FBLN1: variants seen among roughly 807,000 people sequenced by gnomAD.
The protein encoded by FBLN1 is fibulin 1.
In FBLN1, 34 loss-of-function variants were observed where a neutral mutation model predicts 89.7. The ratio of observed to expected loss-of-function variants is 0.38; its 90% CI spans 0.29 to 0.50. The LOEUF (loss-of-function observed/expected upper bound fraction) is 0.50, where lower values mean the gene tolerates loss of function less well. Ranked by LOEUF, FBLN1 falls within the 20% of genes least tolerant of loss-of-function variation. The probability of loss-of-function intolerance (pLI) is 0.92; values close to 1 mark genes in which losing one functional copy is unlikely to be tolerated. For synonymous variants in FBLN1, 393 were observed against 391.3 expected, an observed-to-expected ratio of 1.00 and a Z score of -0.05; for missense variants, 777 against 988.1, an observed-to-expected ratio of 0.79 and a Z score of 2.86.
At chr22:45,534,064 T>C (rs1002032820) in intron 7 of FBLN1, among the ~76,000 whole-genome samples, 166 bp downstream of exon 7, 2 of 151,986 alleles carry the variant, frequency 1.3e-5, no homozygotes, top group African/African-American at 4.8e-5. Context: ...CCCACCAGGG[T>C]GTCTGGACAG....
At chr22:45,585,629 G>A (rs1051348629) in intron 16 of FBLN1, among the ~76,000 whole-genome samples, 1 of 152,230 alleles carries the variant, frequency 6.6e-6, no homozygotes, top group Admixed American at 6.5e-5. Flanking sequence ...CTGGCTGGCA[G>A]CCAAGTTCTT....
chr22:45,594,740 G>A (rs2089169554), intron 16 of FBLN1, among the ~76,000 whole-genome samples: 1 of 148,856 alleles, frequency 6.7e-6, no homozygotes, highest in African/African-American at 2.6e-5. Context: ...ATAGATGGAT[G>A]GGTGAGTGGA....
Position 45,579,704 on chromosome 22 carries a change from G to A in FBLN1, c.1972+2596G>A, listed in dbSNP as rs144832212. On this transcript the variant is annotated intron_variant, in intron 16 of 16. Coordinates refer to ENST00000327858, the MANE Select transcript of FBLN1 (RefSeq NM_006486.3). This position sits in a 1 kb window ranked among gnomAD's most constrained non-coding sequence, Gnocchi z 5.5. ...CTGAGACCAGGGAGGCAAGCCCTGC[G>A]TGTTGGGACCTAGGCTGCATTGCTG... Among the ~76,000 whole-genome samples the A allele has an allele frequency of 7.9e-5, 12 of 152,298 alleles. No homozygotes were observed. The highest frequency in any genetic ancestry group is 1.7e-4 in the African/African-American group (7 of 41,558).
At position 45,526,520 on chromosome 22, in the gene FBLN1, C is replaced by T. The variant is rs904474386; in HGVS notation, c.321+842C>T. ...GGCTTCTGTTGGAGGTGCCAGATGA[C>T]GAAAATGCATTCCCTGGAAGAAGCT... On this transcript the variant is annotated intron_variant, in intron 3 of 16. Transcript: ENST00000327858. Among the ~76,000 whole-genome samples the T allele has an allele frequency of 2.7e-5, 4 of 150,910 alleles. No individual in the cohort carries two copies. The Admixed American group carries it at 2.7e-4, about 10-fold the overall frequency.
intron 2 of FBLN1, among the ~76,000 whole-genome samples, chr22:45,519,852 A>G (rs542574941): frequency 5.3e-5 from 8 of 151,220 alleles, no homozygotes; most frequent in African/African-American, 1.9e-4. Flanking sequence ...GCACCATGAT[A>G]CCTCCTTTCT....
chr22:45,600,208 C>T (rs2089219403), intron 16 of FBLN1, 99 bp from the exon 17 acceptor site: 7 of 1,452,408 alleles, frequency 4.8e-6, no homozygotes, highest in East Asian at 4.5e-5. Flanking sequence ...GTCTATGCCT[C>T]CTTCTAGCTC....
intron 2 of FBLN1, among the ~76,000 whole-genome samples, chr22:45,524,816 A>G (rs1446779511): frequency 6.6e-6 from 1 of 152,114 alleles, no homozygotes; most frequent in Non-Finnish European, 1.5e-5. Flanking sequence ...CAGGCATGGT[A>G]GCTCACGCCT....
intron 14 of FBLN1, among the ~76,000 whole-genome samples, chr22:45,552,834 C>A (rs1465779347): frequency 6.6e-6 from 1 of 152,192 alleles, no homozygotes; most frequent in Non-Finnish European, 1.5e-5. Context: ...GTCCTGCCCA[C>A]ACAATTCCCT....
chr22:45,595,908 C>T (rs371210025), intron 16 of FBLN1, among the ~76,000 whole-genome samples: 86 of 152,366 alleles, frequency 5.6e-4, no homozygotes, highest in African/African-American at 1.9e-3. Context: ...CTTGCTCTGT[C>T]GCCCAGGCTA....
chr22:45,572,718 T>C lies in FBLN1; in HGVS notation c.1698-1793T>C, dbSNP rs773664762. ...CTCACAGAGACAGCCAGTCACTGTG[T>C]GGCTCTCACTGAAGACACACTACCA... On this transcript the variant is annotated intron_variant, in intron 14 of 16. Coordinates refer to ENST00000327858, the MANE Select transcript of FBLN1 (RefSeq NM_006486.3). This position sits in a 1 kb window ranked among gnomAD's most constrained non-coding sequence, Gnocchi z 5.8. 5.9e-5 allele frequency among the ~76,000 whole-genome samples: 9 copies of C among 152,240 alleles called. No homozygotes were observed. Among genetic ancestry groups the C allele is most frequent in the Non-Finnish European group, 1.2e-4 (8 of 68,044 alleles).
rs1274109583 is a variant in FBLN1, at chr22:45,537,783, G to A, written c.922+2446G>A. Among the ~76,000 whole-genome samples the A allele has an allele frequency of 6.6e-6, 1 of 152,146 alleles. No homozygotes were observed. Among genetic ancestry groups the A allele is most frequent in the Admixed American group, 6.5e-5 (1 of 15,278 alleles). On this transcript the variant is annotated intron_variant, in intron 8 of 16. Coordinates refer to ENST00000327858, the MANE Select transcript of FBLN1 (RefSeq NM_006486.3). The surrounding 1 kb of genome is among the most constrained non-coding windows in gnomAD (Gnocchi z 5.7). Reference sequence around the variant, plus strand: ...TGGCTCAGCTGCCAGTTGGCCCCTCGCCAGTCCCTTGCCAGCAGGGAGGGG... The same window carrying A: ...TGGCTCAGCTGCCAGTTGGCCCCTCACCAGTCCCTTGCCAGCAGGGAGGGG...
At chr22:45,534,063 G>A (rs557946474) in intron 7 of FBLN1, among the ~76,000 whole-genome samples, 165 bp downstream of exon 7, 1 of 152,220 alleles carries the variant, frequency 6.6e-6, no homozygotes, top group Admixed American at 6.5e-5. Flanking sequence ...ACCCACCAGG[G>A]TGTCTGGACA....
chr22:45,591,289 T>C (rs192404207), intron 16 of FBLN1, among the ~76,000 whole-genome samples: 39 of 152,238 alleles, frequency 2.6e-4, no homozygotes, highest in African/African-American at 8.9e-4. Context: ...GGAGAGACAG[T>C]CGATGTGAGT....
chr22:45,510,696 G>T (rs996877509), intron 1 of FBLN1, among the ~76,000 whole-genome samples: 3 of 152,128 alleles, frequency 2.0e-5, no homozygotes, highest in African/African-American at 7.2e-5. Flanking sequence ...TGTAGTCTTA[G>T]AAAGAGCACG....
At position 45,525,435 on chromosome 22, in the gene FBLN1, G is replaced by A. The variant is rs534736312; in HGVS notation, c.186-108G>A. The A allele has an allele frequency of 2.6e-4, 248 of 970,956 alleles. 1 individual carries two copies. The highest frequency in any genetic ancestry group is 3.3e-4 in the Non-Finnish European group (206 of 631,388). The allele number at this position is 970,956 out of a possible 1,614,324, so 60.1% of individuals were successfully genotyped here. On this transcript the variant is annotated intron_variant, in intron 2 of 16. Transcript: ENST00000327858. The stretch of plus-strand genomic sequence containing the variant: ...TGTATTTCTCTCTCTGTGTCTGTGG[G>A]AGCAGGGAAGGGGAGGCTCAAAGGT...
intron 14 of FBLN1, chr22:45,551,007 C>A: frequency 3.1e-6 from 1 of 327,106 alleles, no homozygotes; most frequent in Admixed American, 4.1e-5. Flanking sequence ...GTCTCCATGT[C>A]AGCCCAAAGC....
intron 14 of FBLN1, among the ~76,000 whole-genome samples, chr22:45,568,622 C>T (rs78145754): frequency 0.013 from 616 of 47,428 alleles, 137 homozygotes; most frequent in African/African-American, 0.068. Context: ...GAATGCTCCT[C>T]CTGTAAGGGA....
chr22:45,585,833 G>C (rs1045224803), intron 16 of FBLN1, among the ~76,000 whole-genome samples: 1 of 152,124 alleles, frequency 6.6e-6, no homozygotes, highest in African/African-American at 2.4e-5. Context: ...GCAGAGATGG[G>C]CTCTGAGGCA....
At chr22:45,525,105 A>AAG (rs3074727) in intron 2 of FBLN1, among the ~76,000 whole-genome samples, 13,206 of 142,116 alleles carry the variant, frequency 0.093, 808 homozygotes, top group Admixed American at 0.18. Context: ...GAGAAAGGGA[A>AAG]AGAGAGAGAG....
Sources: allele counts gnomAD v4.1 joint callset (sites outside exome capture counted in the v4.1 genomes callset), GRCh38; gene constraint gnomAD v4.1.1; non-coding constraint Gnocchi (gnomAD v3.1); transcripts MANE v1.5; gene names NCBI Gene and HGNC (gene_info 2026-07-23, HGNC 2026-07-21).